The following FYN variants were observed in gnomAD, a reference collection of about 807,000 sequenced individuals.
FYN encodes FYN proto-oncogene, Src family tyrosine kinase.
FYN carries 10 observed loss-of-function variants against 70.2 expected under a neutral mutation model. The observed-to-expected ratio is 0.14, with a 90% CI of 0.09 to 0.24. FYN has a LOEUF of 0.24. Among genes scored for constraint, FYN ranks in the 10% least tolerant of loss-of-function variants. The probability of loss-of-function intolerance (pLI) is 1.00; values close to 1 mark genes in which losing one functional copy is unlikely to be tolerated. For missense variants in FYN, 319 were observed against 673.1 expected (o/e 0.47, Z 5.82); for synonymous variants, 236 against 248.6 (o/e 0.95, Z 0.48).
chr6:111,710,921 TTTG>T (rs1186641437), intron 5 of FYN, among the ~76,000 whole-genome samples: 1 of 152,246 alleles, frequency 6.6e-6, no homozygotes, highest in Non-Finnish European at 1.5e-5. Context: ...TGAGATATTC[TTTG>T]TTATCTTGCT....
At chr6:111,839,683 C>T (rs1193590805) in intron 2 of FYN, among the ~76,000 whole-genome samples, 1 of 152,084 alleles carries the variant, frequency 6.6e-6, no homozygotes, top group Non-Finnish European at 1.5e-5. Context: ...CTGACACCAG[C>T]TAATGCAAGA....
rs147433172 is a variant in FYN at position 111,680,507 on chromosome 6, C to T, written c.1274-5877G>A. ...TGAGCAGAAGTGCGATGACTTCCCA[C>T]GTCGTTCTTTCCCCTTGTCTTTTAA... is the stretch of plus-strand genomic sequence containing the variant. On this transcript the variant is annotated intron_variant, in intron 12 of 13. Transcript: ENST00000354650. Among the ~76,000 whole-genome samples the T allele has an allele frequency of 5.3e-5, 8 of 152,362 alleles. No individual in the cohort carries two copies. In the East Asian group the frequency reaches 1.5e-3, roughly 29 times the overall value.
chr6:111,831,072 G>C (rs1475393808), intron 2 of FYN, among the ~76,000 whole-genome samples: 1 of 152,118 alleles, frequency 6.6e-6, no homozygotes, highest in Non-Finnish European at 1.5e-5. Flanking sequence ...TTCTGTATCA[G>C]TGTGCGTATA....
chr6:111,765,454 C>A (rs1803193781), intron 3 of FYN, among the ~76,000 whole-genome samples: 1 of 152,120 alleles, frequency 6.6e-6, no homozygotes, highest in Admixed American at 6.5e-5. Flanking sequence ...GGGAGGCTCA[C>A]CAGACCCTGG....
At chr6:111,736,057 A>C (rs1449823469) in intron 3 of FYN, among the ~76,000 whole-genome samples, 1 of 152,200 alleles carries the variant, frequency 6.6e-6, no homozygotes, top group African/African-American at 2.4e-5. Flanking sequence ...AATGCAGGTC[A>C]TCAGAAGAAA....
intron 3 of FYN, among the ~76,000 whole-genome samples, chr6:111,776,046 A>G (rs538642997): frequency 6.6e-6 from 1 of 152,262 alleles, no homozygotes; most frequent in Non-Finnish European, 1.5e-5. Context: ...CTGTACACAC[A>G]TTGTGTAAAT....
At chr6:111,681,845 A>T (rs1798795083) in intron 12 of FYN, among the ~76,000 whole-genome samples, 1 of 152,198 alleles carries the variant, frequency 6.6e-6, no homozygotes, top group South Asian at 2.1e-4. Context: ...AAAACGGAAC[A>T]CCGAGAGGAA....
intron 12 of FYN, among the ~76,000 whole-genome samples, chr6:111,686,964 G>A (rs974867409): frequency 1.3e-5 from 2 of 152,214 alleles, no homozygotes; most frequent in African/African-American, 2.4e-5. Context: ...TTCAAAATTC[G>A]AAAGAAACAG....
At chr6:111,738,761 A>C (rs1801815900) in intron 3 of FYN, among the ~76,000 whole-genome samples, 1 of 152,218 alleles carries the variant, frequency 6.6e-6, no homozygotes, top group South Asian at 2.1e-4. Context: ...CCTGGCTGAA[A>C]GAGGAAACAT....
At chr6:111,667,235 T>A (rs1216426262) in intron 13 of FYN, among the ~76,000 whole-genome samples, 1 of 152,036 alleles carries the variant, frequency 6.6e-6, no homozygotes, top group Non-Finnish European at 1.5e-5. Flanking sequence ...CCTTTTAGAT[T>A]CTTTGAAAAA....
chr6:111,764,766 T>A (rs999417248), intron 3 of FYN, among the ~76,000 whole-genome samples: 4 of 151,882 alleles, frequency 2.6e-5, no homozygotes, highest in African/African-American at 9.7e-5. Context: ...TGGAGAAAGG[T>A]GGAAGAAAAA....
At chr6:111,771,140 C>T (rs1244658991) in intron 3 of FYN, among the ~76,000 whole-genome samples, 1 of 152,106 alleles carries the variant, frequency 6.6e-6, no homozygotes, top group African/African-American at 2.4e-5. Context: ...AGATCTTTAG[C>T]CTCTGCCTGG....
At position 111,743,124 on chromosome 6, in the gene FYN, G is replaced by A. The variant is rs1802056970; in HGVS notation, c.-11-23062C>T. Among the ~76,000 whole-genome samples, 5 of 152,172 alleles carry A rather than the reference G, an allele frequency of 3.3e-5. No individual in the cohort carries two copies. In the South Asian group the frequency reaches 1.0e-3, roughly 32 times the overall value. ...TGGAACTGCAGGTGCGCGCCACCAT[G>A]CCTGGCTAATTTTTGTATTTTTAGT... is the stretch of plus-strand genomic sequence containing the variant. On this transcript the variant is annotated intron_variant, in intron 3 of 13. Transcript: ENST00000354650.
rs1216229096 is a variant in FYN at position 111,720,018 on chromosome 6, T to C, written c.34A>G (p.Thr12Ala). Reference sequence around the variant, plus strand: ...CCGTCCCTCTCCTCCGTCAGTTTTGTTGCTTCTTTATCCTTACATTGCACA... The same window carrying C: ...CCGTCCCTCTCCTCCGTCAGTTTTGCTGCTTCTTTATCCTTACATTGCACA... Reference protein sequence around the residue: ...GCVQCKDKEATKLTEERDGSL... With the variant: ...GCVQCKDKEAAKLTEERDGSL... Residue 12 changes from threonine to alanine, a missense_variant, in exon 4 of 14, where the codon ACA becomes GCA. Transcript: ENST00000354650. 6.2e-7 allele frequency: 1 copy of C among 1,612,640 alleles called. No homozygotes were observed. The highest frequency in any genetic ancestry group is 2.2e-5 in the East Asian group (1 of 44,832).
At chr6:111,834,684 CCT>C (rs1773122662) in intron 2 of FYN, among the ~76,000 whole-genome samples, 2 of 152,164 alleles carry the variant, frequency 1.3e-5, no homozygotes, top group African/African-American at 4.8e-5. Context: ...AGTGCAGACA[CCT>C]TTTGCTGAGT....
intron 2 of FYN, among the ~76,000 whole-genome samples, chr6:111,795,676 T>G (rs1215278182): frequency 6.6e-6 from 1 of 152,176 alleles, no homozygotes; most frequent in Admixed American, 6.5e-5. Context: ...GTGTTCTAAT[T>G]GAACCAAGAC....
At chr6:111,786,230 C>A (rs751783533) in intron 2 of FYN, among the ~76,000 whole-genome samples, 7 of 152,044 alleles carry the variant, frequency 4.6e-5, no homozygotes, top group Non-Finnish European at 1.0e-4. Context: ...CCATGACAGG[C>A]CCTGGTGTGT....
intron 1 of FYN, among the ~76,000 whole-genome samples, chr6:111,872,580 T>C (rs1256550212): frequency 6.6e-6 from 1 of 151,936 alleles, no homozygotes; most frequent in Non-Finnish European, 1.5e-5. Context: ...GCATCAATTA[T>C]TAAGTGATTA....
At chr6:111,674,344 C>A in intron 13 of FYN, 155 bp downstream of exon 13, 2 of 795,376 alleles carry the variant, frequency 2.5e-6, no homozygotes, top group Admixed American at 2.4e-5. Flanking sequence ...CCCAGTTCTG[C>A]TTTTCTCTCG....
Sources: gnomAD v4.1 joint callset for allele counts (sites outside exome capture counted in the v4.1 genomes callset) on GRCh38, gnomAD v4.1.1 for gene constraint, MANE v1.5 for transcripts, NCBI Gene and HGNC (gene_info 2026-07-23, HGNC 2026-07-21) for gene names.